The following KYAT1 variants were observed in gnomAD, a reference collection of about 807,000 sequenced individuals.
KYAT1 encodes the protein kynurenine--oxoglutarate transaminase 1.
Under a neutral mutation model 52.4 loss-of-function variants are expected in KYAT1, and 47 were observed. That is an observed-to-expected ratio of 0.90 (90% CI 0.71 to 1.14). The LOEUF (loss-of-function observed/expected upper bound fraction) is 1.14, where lower values mean the gene tolerates loss of function less well. KYAT1 is among the 50% of genes most tolerant of loss of function. KYAT1 has a pLI of 0.00. For synonymous variants in KYAT1, 212 were observed against 209.6 expected, an observed-to-expected ratio of 1.01 and a Z score of -0.10; for missense variants, 480 against 557.9, an observed-to-expected ratio of 0.86 and a Z score of 1.41.
chr9:128,833,621 A>G lies in KYAT1; in HGVS notation c.1232T>C (p.Met411Thr), dbSNP rs1830481300. Residue 411 changes from methionine to threonine, a missense_variant, in exon 13 of 13, where the codon ATG (methionine) becomes ACG (threonine). Physicochemically the swap from Met to Thr is moderately conservative, Grantham distance 81 (BLOSUM62 -1). Transcript: ENST00000302586. ...CTTCCACTTCCGCAGCTTCTCGTCC[A>G]TGGCCTGGAGCGTGGCTTCATCCTG... ...FVKDEATLQA[M>T]DEKLRKWKVE... 1 of 1,614,238 alleles carries G rather than the reference A, an allele frequency of 6.2e-7. No individual in the cohort carries two copies. Among genetic ancestry groups the G allele is most frequent in the Non-Finnish European group, 8.5e-7 (1 of 1,180,042 alleles).
chr9:128,877,671 C>T (rs1838244351), intron 1 of KYAT1, among the ~76,000 whole-genome samples: 1 of 152,204 alleles, frequency 6.6e-6, no homozygotes, highest in African/African-American at 2.4e-5. Context: ...GGTGACCATG[C>T]CTTCCCAGGG....
chr9:128,873,032 C>T (rs1486201562), intron 1 of KYAT1, among the ~76,000 whole-genome samples: 1 of 140,154 alleles, frequency 7.1e-6, no homozygotes, highest in Admixed American at 7.3e-5. Context: ...GCCAGGATCG[C>T]ACTACTGCAC....
intron 1 of KYAT1, among the ~76,000 whole-genome samples, chr9:128,860,926 CAATAGT>C (rs1241124915): frequency 6.6e-6 from 1 of 151,844 alleles, no homozygotes; most frequent in East Asian, 1.9e-4. Context: ...AAAACAAGCA[CAATAGT>C]AATATCAAAG....
intron 1 of KYAT1, among the ~76,000 whole-genome samples, chr9:128,865,336 T>TAC (rs1836138930): frequency 4.6e-4 from 1 of 2,174 alleles, no homozygotes; most frequent in African/African-American, 8.5e-4. Context: ...TATATATATA[T>TAC]ATATATATAT....
intron 1 of KYAT1, among the ~76,000 whole-genome samples, chr9:128,878,986 G>A (rs1356545554): frequency 6.6e-6 from 1 of 152,176 alleles, no homozygotes; most frequent in Non-Finnish European, 1.5e-5. Flanking sequence ...TGCAAGCTGG[G>A]GAATGAGGGC....
chr9:128,875,613 G>T (rs1790386190), intron 1 of KYAT1, among the ~76,000 whole-genome samples: 1 of 150,250 alleles, frequency 6.7e-6, no homozygotes, highest in Non-Finnish European at 1.5e-5. Flanking sequence ...GACAGAGCAA[G>T]ACTCCGCTTC....
intron 1 of KYAT1, chr9:128,846,553 C>T (rs961757027): frequency 4.4e-5 from 27 of 614,944 alleles, no homozygotes; most frequent in African/African-American, 3.7e-4. Context: ...GGGCCAAGAT[C>T]GTGCCAGCCA....
chr9:128,848,693 C>T (rs1303702943), intron 1 of KYAT1, among the ~76,000 whole-genome samples: 1 of 151,836 alleles, frequency 6.6e-6, no homozygotes, highest in African/African-American at 2.4e-5. Flanking sequence ...TGGTGTGCAC[C>T]TGTAATCCCA....
chr9:128,864,944 C>T (rs1452669129), intron 1 of KYAT1, among the ~76,000 whole-genome samples: 1 of 151,788 alleles, frequency 6.6e-6, no homozygotes, highest in Non-Finnish European at 1.5e-5. Context: ...AAGATTCCTT[C>T]AAGAGGCTAA....
At chr9:128,834,063 G>T (rs548563511) in intron 11 of KYAT1, among the ~76,000 whole-genome samples, 163 of 152,296 alleles carry the variant, frequency 1.1e-3, no homozygotes, top group African/African-American at 3.9e-3. Flanking sequence ...TTCAAGACCA[G>T]CCTGGCCAAC....
intron 1 of KYAT1, among the ~76,000 whole-genome samples, chr9:128,865,328 TATATATA>T (rs1836100630): frequency 5.5e-5 from 2 of 36,648 alleles, no homozygotes; most frequent in South Asian, 8.8e-4. Flanking sequence ...TATATATATA[TATATATA>T]TATATATATA....
chr9:128,871,867 C>T (rs1008482538), intron 1 of KYAT1, among the ~76,000 whole-genome samples: 2 of 152,152 alleles, frequency 1.3e-5, no homozygotes, highest in African/African-American at 4.8e-5. Context: ...GTGGCTCATG[C>T]CTGTAATCCC....
At chr9:128,838,024 C>T in intron 5 of KYAT1, 27 bp downstream of exon 5, 11 of 1,608,988 alleles carry the variant, frequency 6.8e-6, no homozygotes, top group Non-Finnish European at 9.4e-6. Flanking sequence ...TCCCTCTGCC[C>T]ATCCATCCTC....
Position 128,842,651 on chromosome 9 carries a change from C to T in KYAT1, c.201+3G>A, listed in dbSNP as rs1434140420. The T allele has an allele frequency of 1.2e-6, 2 of 1,612,864 alleles. No individual in the cohort carries two copies. Among genetic ancestry groups the T allele is most frequent in the Non-Finnish European group, 1.7e-6 (2 of 1,179,060 alleles). Reference sequence around the variant, plus strand: ...TGCCTCCACGAGAGATGGGGAGACTCACAAATGTCTTGGTGTACTGGTTAA... The same window carrying T: ...TGCCTCCACGAGAGATGGGGAGACTTACAAATGTCTTGGTGTACTGGTTAA... On this transcript the variant is annotated splice_donor_region_variant and intron_variant, in intron 3 of 12. Coordinates refer to ENST00000302586, the MANE Select transcript of KYAT1 (RefSeq NM_004059.5).
intron 1 of KYAT1, among the ~76,000 whole-genome samples, chr9:128,865,017 A>T (rs1215020990): frequency 2.6e-5 from 4 of 151,282 alleles, no homozygotes; most frequent in Non-Finnish European, 5.9e-5. Flanking sequence ...CCTTGAGCCC[A>T]GGAGTTCGAG....
intron 1 of KYAT1, chr9:128,847,743 G>A (rs1042189346): frequency 3.0e-5 from 15 of 502,202 alleles, no homozygotes; most frequent in Admixed American, 1.4e-4. Flanking sequence ...ATCCGACTCC[G>A]TCCTTATAAG....
chr9:128,852,732 A>C (rs1331251697), intron 1 of KYAT1, among the ~76,000 whole-genome samples: 1 of 152,232 alleles, frequency 6.6e-6, no homozygotes, highest in Non-Finnish European at 1.5e-5. Context: ...AAAAACATTA[A>C]ATGACTTTCA....
chr9:128,846,600 C>CAAAAAAAAAAAAAAAAAA, intron 1 of KYAT1: 3 of 419,218 alleles, frequency 7.2e-6, no homozygotes, highest in African/African-American at 6.7e-5. Flanking sequence ...AAGACTCTAC[C>CAAAAAAAAAAAAAAAAAA]AAAAAAAAAA....
chr9:128,879,405 C>T (rs940315270), intron 1 of KYAT1, among the ~76,000 whole-genome samples: 1 of 152,184 alleles, frequency 6.6e-6, no homozygotes, highest in African/African-American at 2.4e-5. Flanking sequence ...CAGTGACTGC[C>T]TCATGGCTGT....
Sources: allele counts gnomAD v4.1 joint callset (sites outside exome capture counted in the v4.1 genomes callset), GRCh38; gene constraint gnomAD v4.1.1; transcripts MANE v1.5; gene names NCBI Gene and HGNC (gene_info 2026-07-23, HGNC 2026-07-21).